The following CLN3 variants were observed in gnomAD, a reference collection of about 807,000 sequenced individuals.
The protein encoded by CLN3 is battenin.
CLN3 carries 49 observed loss-of-function variants against 60.7 expected under a neutral mutation model. The ratio of observed to expected loss-of-function variants is 0.81; its 90% confidence interval spans 0.64 to 1.02. The LOEUF is 1.02. Among genes scored for constraint, CLN3 ranks in the 50% least tolerant of loss-of-function variants. The pLI, the probability that CLN3 is intolerant of heterozygous loss-of-function variation, is 0.00. For synonymous variants in CLN3, 256 were observed against 245.8 expected (o/e 1.04, Z -0.39); for missense variants, 516 against 557.4 (o/e 0.93, Z 0.75).
At chr16:28,480,866 C>T (rs979911702) in intron 14 of CLN3, among the ~76,000 whole-genome samples, 1 of 152,200 alleles carries the variant, frequency 6.6e-6, no homozygotes, top group Non-Finnish European at 1.5e-5. Flanking sequence ...TGTTTGCGCC[C>T]TTAAAGCTGT....
Position 28,482,537 on chromosome 16 carries a change from C to G in CLN3, c.846G>C (p.Leu282=). 2 of 1,614,158 alleles carry G rather than the reference C, an allele frequency of 1.2e-6. No individual in the cohort carries two copies. Among genetic ancestry groups the G allele is most frequent in the Non-Finnish European group, 1.7e-6 (2 of 1,180,028 alleles). Residue 282 remains leucine (L), a synonymous_variant, in exon 12 of 16, where the codon CTG becomes CTC. Coordinates refer to ENST00000636147, the MANE Select transcript of CLN3 (RefSeq NM_001042432.2). ...CTACGACCAAGGGAACAATGTACCACAGCAGACCCTGGAAAAGGCAGAAGA... is the reference window on the plus strand; with the variant it reads ...CTACGACCAAGGGAACAATGTACCAGAGCAGACCCTGGAAAAGGCAGAAGA... ...RERWTVFKGL[L]WYIVPLVVVY... is the part of the protein sequence containing the mutation.
At chr16:28,476,527 C>G (rs974464443), downstream of CLN3, 1 of 151,756 alleles carries the variant, frequency 6.6e-6, no homozygotes, top group African/African-American at 2.4e-5. Flanking sequence ...GCCTGGGTGA[C>G]AGAGTGCAAC....
intron 7 of CLN3, 48 bp from the exon 8 acceptor site, chr16:28,486,698 C>A (rs1233427510): frequency 1.9e-6 from 3 of 1,539,012 alleles, no homozygotes; most frequent in Non-Finnish European, 1.8e-6. Flanking sequence ...CCTTGCCACA[C>A]TGCCCAGGCC....
intron 9 of CLN3, among the ~76,000 whole-genome samples, chr16:28,485,309 G>A (rs969497547): frequency 4.7e-5 from 7 of 150,060 alleles, no homozygotes; most frequent in Non-Finnish European, 1.0e-4. Flanking sequence ...GCTCACGCCT[G>A]TATTCCTAGC....
At chr16:28,479,987 G>C (rs1475156151) in intron 14 of CLN3, among the ~76,000 whole-genome samples, 7 of 151,264 alleles carry the variant, frequency 4.6e-5, no homozygotes, top group Non-Finnish European at 1.0e-4. Flanking sequence ...CTTTTTTTTT[G>C]AGATAGGGTC....
rs754235288 is a variant in CLN3, at chr16:28,491,538, G to A, written c.69C>T (p.Pro23=). 5.0e-6 allele frequency: 8 copies of A among 1,613,952 alleles called. No individual in the cohort carries two copies. In the African/African-American group the frequency reaches 9.3e-5, roughly 19 times the overall value. ...DSEGEETVPE[P]RLPLLDHQGA... ...CCTGATGGTCCAACAGAGGGAGCCG[G>A]GGCTCCGGGACGGTCTCCTCCCCTG... The change falls in exon 3 of 16, where the codon CCC becomes CCT. Residue 23 remains proline (P), a synonymous_variant. Coordinates refer to ENST00000636147, the MANE Select transcript of CLN3 (RefSeq NM_001042432.2).
At chr16:28,478,617 T>TAAAAAAAAAAAAAAAAAAAAAAA (rs766238150) in intron 14 of CLN3, among the ~76,000 whole-genome samples, 1 of 74,354 alleles carries the variant, frequency 1.3e-5, no homozygotes, top group African/African-American at 7.6e-5. Context: ...TCCTGTCTCA[T>TAAAAAAAAAAAAAAAAAAAAAAA]AAAAAAAAAA....
At chr16:28,476,245 C>A (rs1312004275), downstream of CLN3, 2 of 152,036 alleles carry the variant, frequency 1.3e-5, no homozygotes, top group African/African-American at 4.8e-5. Context: ...TGTATAAAAA[C>A]TGTACCTAAA....
chr16:28,482,269 G>C, intron 13 of CLN3, 58 bp downstream of exon 13: 1 of 1,605,356 alleles, frequency 6.2e-7, no homozygotes. Context: ...GTGCCTACTG[G>C]GCAGGGCAGC....
intron 9 of CLN3, among the ~76,000 whole-genome samples, chr16:28,485,978 T>A: frequency 6.6e-6 from 1 of 151,322 alleles, no homozygotes; most frequent in Non-Finnish European, 1.5e-5. Flanking sequence ...GCAATCATAA[T>A]CAAGTTTTCT....
intron 7 of CLN3, 195 bp downstream of exon 7, chr16:28,487,261 T>C (rs2046235203): frequency 3.1e-6 from 2 of 651,582 alleles, no homozygotes; most frequent in African/African-American, 1.8e-5. Context: ...AATTCATCCA[T>C]TTTCTCCCAT....
downstream of CLN3, among the ~76,000 whole-genome samples, chr16:28,474,562 A>T (rs1356643041): frequency 6.6e-6 from 1 of 152,136 alleles, no homozygotes; most frequent in East Asian, 1.9e-4. Flanking sequence ...ATTGGTGGGG[A>T]CGTGGAGTCC....
downstream of CLN3, among the ~76,000 whole-genome samples, chr16:28,470,763 G>A (rs2045944786): frequency 6.7e-6 from 1 of 150,274 alleles, no homozygotes; most frequent in African/African-American, 2.4e-5. Context: ...TTCAAATTAA[G>A]TTCTCAAGCG....
chr16:28,489,886 G>A (rs1427935469), intron 3 of CLN3, among the ~76,000 whole-genome samples: 3 of 151,936 alleles, frequency 2.0e-5, no homozygotes, highest in South Asian at 2.1e-4. Context: ...GAGAAACCCC[G>A]TCTCTACTAA....
chr16:28,492,051 C>T lies in CLN3; in HGVS notation c.-108G>A, dbSNP rs1567265211. 15 of 524,446 alleles carry T rather than the reference C, an allele frequency of 2.9e-5. No individual in the cohort carries two copies. In the South Asian group the frequency reaches 3.0e-4, roughly 10 times the overall value. 32.5% of individuals were successfully genotyped at this position (524,446 alleles called of 1,614,324 possible). ...GAGCAGCAGAATGTTCTGCACTATG[C>T]AGAGGCCGTTTGTCGGATCACGTGA... On this transcript the variant is annotated 5_prime_UTR_variant, in exon 1 of 16. Coordinates refer to ENST00000636147, the MANE Select transcript of CLN3 (RefSeq NM_001042432.2).
chr16:28,485,905 C>A (rs1423060417), intron 9 of CLN3, among the ~76,000 whole-genome samples: 1 of 152,038 alleles, frequency 6.6e-6, no homozygotes, highest in Non-Finnish European at 1.5e-5. Context: ...CCAGGACTCA[C>A]ACCTGGGGCT....
downstream of CLN3, among the ~76,000 whole-genome samples, chr16:28,472,793 T>C (rs2045961893): frequency 7.7e-6 from 1 of 130,662 alleles, no homozygotes; most frequent in African/African-American, 2.8e-5. Context: ...AGAATGAAAC[T>C]CTGTTTCAAA....
Position 28,488,681 on chromosome 16 carries a change from G to A in CLN3, c.223-19C>T, listed in dbSNP as rs2046264217. 2 of 1,613,022 alleles carry A rather than the reference G, an allele frequency of 1.2e-6. No homozygotes were observed. Among genetic ancestry groups the A allele is most frequent in the Non-Finnish European group, 1.7e-6 (2 of 1,178,990 alleles). ...GGTCCACCTAATGGGAGAAAAGCAT[G>A]TCTTTCACCCTGGAGGCAGAGGGAT... On this transcript the variant is annotated intron_variant, in intron 4 of 15. Transcript: ENST00000636147.
chr16:28,484,363 T>A, intron 9 of CLN3: 1 of 496,694 alleles, frequency 2.0e-6, no homozygotes, highest in South Asian at 2.1e-5. Flanking sequence ...TTTGATTTTT[T>A]TCAGAGACAG....
Sources: allele counts gnomAD v4.1 joint callset (sites outside exome capture counted in the v4.1 genomes callset), GRCh38; gene constraint gnomAD v4.1.1; transcripts MANE v1.5; gene names NCBI Gene and HGNC (gene_info 2026-07-23, HGNC 2026-07-21).